Variants in GRAMD1B observed in about 807,000 individuals in gnomAD.
GRAMD1B encodes the protein GRAM domain containing 1B.
Under a neutral mutation model 99.7 loss-of-function variants are expected in GRAMD1B, and 37 were observed. The ratio of observed to expected loss-of-function variants is 0.37; its 90% CI spans 0.29 to 0.49. The LOEUF is 0.49. GRAMD1B is among the 20% of genes least tolerant of loss of function. GRAMD1B has a pLI of 0.98. For missense variants in GRAMD1B, 888 were observed against 1,009.2 expected (o/e 0.88, Z 1.63); for synonymous variants, 427 against 387.6 (o/e 1.10, Z -1.19).
At chr11:123,382,787 A>C (rs950347098) in intron 1 of GRAMD1B, among the ~76,000 whole-genome samples, 1 of 152,120 alleles carries the variant, frequency 6.6e-6, no homozygotes, top group Non-Finnish European at 1.5e-5. Context: ...GGATAAATGG[A>C]GCAAAGGATA....
intron 11 of GRAMD1B, among the ~76,000 whole-genome samples, chr11:123,607,084 G>A (rs1021654551): frequency 6.6e-6 from 1 of 152,170 alleles, no homozygotes. Context: ...AGACACGCAA[G>A]TCTAGGCAAT....
intron 1 of GRAMD1B, among the ~76,000 whole-genome samples, chr11:123,405,100 G>A (rs549017760): frequency 5.9e-5 from 9 of 151,838 alleles, no homozygotes; most frequent in East Asian, 1.9e-4. Context: ...AGAGAGAGAG[G>A]GAGAGAATTT....
intron 2 of GRAMD1B, among the ~76,000 whole-genome samples, chr11:123,552,420 G>A (rs1271990214): frequency 6.6e-6 from 1 of 151,704 alleles, no homozygotes; most frequent in Non-Finnish European, 1.5e-5. Flanking sequence ...GATTACAGGG[G>A]TGCATCACCA....
chr11:123,620,311 T>G (rs2137143040), intron 19 of GRAMD1B, among the ~76,000 whole-genome samples: 1 of 151,918 alleles, frequency 6.6e-6, no homozygotes, highest in Middle Eastern at 3.4e-3. Flanking sequence ...CTGTCTCTAC[T>G]CAAAATATAA....
chr11:123,506,528 T>C (rs891775639), intron 2 of GRAMD1B, among the ~76,000 whole-genome samples: 1 of 152,130 alleles, frequency 6.6e-6, no homozygotes, highest in Non-Finnish European at 1.5e-5. Context: ...TAAAGAGGCA[T>C]TTCTTTCTGT....
intron 1 of GRAMD1B, among the ~76,000 whole-genome samples, chr11:123,361,433 C>A (rs946099971): frequency 6.6e-6 from 1 of 152,196 alleles, no homozygotes; most frequent in African/African-American, 2.4e-5. Flanking sequence ...GCTTGCCCTG[C>A]AGAAGAGGTC....
chr11:123,516,117 A>G (rs905565115), intron 2 of GRAMD1B, among the ~76,000 whole-genome samples: 2 of 152,154 alleles, frequency 1.3e-5, no homozygotes, highest in Non-Finnish European at 2.9e-5. Context: ...ATTTTTCTCA[A>G]TTCATTACCA....
At chr11:123,565,565 A>C (rs1947271662) in intron 2 of GRAMD1B, among the ~76,000 whole-genome samples, 1 of 152,226 alleles carries the variant, frequency 6.6e-6, no homozygotes, top group African/African-American at 2.4e-5. Flanking sequence ...TTGGACAGAT[A>C]ATGATCGCTG....
At chr11:123,621,886 T>C (rs1019074206) in intron 19 of GRAMD1B, among the ~76,000 whole-genome samples, 16 of 61,962 alleles carry the variant, frequency 2.6e-4, no homozygotes, top group Non-Finnish European at 5.6e-4. Context: ...TTCTTTTTCT[T>C]TCTTTCTTTC....
At chr11:123,544,906 G>A (rs926912033) in intron 2 of GRAMD1B, among the ~76,000 whole-genome samples, 1 of 152,248 alleles carries the variant, frequency 6.6e-6, no homozygotes. Context: ...CAGATGCCAG[G>A]GGTTTGAAGA....
intron 11 of GRAMD1B, 64 bp downstream of exon 11, chr11:123,606,862 C>T: frequency 7.8e-7 from 1 of 1,281,054 alleles, no homozygotes; most frequent in South Asian, 1.3e-5. Flanking sequence ...AAGGAGATCT[C>T]TATGTGGGGA....
At chr11:123,480,365 C>T (rs145852989) in intron 1 of GRAMD1B, among the ~76,000 whole-genome samples, 6 of 152,146 alleles carry the variant, frequency 3.9e-5, no homozygotes, top group Admixed American at 3.9e-4. Context: ...TCTGTCTTAC[C>T]GGAATCTCCC....
At chr11:123,513,720 G>A (rs774940307) in intron 2 of GRAMD1B, among the ~76,000 whole-genome samples, 4 of 150,316 alleles carry the variant, frequency 2.7e-5, no homozygotes, top group Non-Finnish European at 4.4e-5. Context: ...GCAGTGGTGC[G>A]ATCATGGCTC....
chr11:123,483,458 C>T (rs1382424044), intron 2 of GRAMD1B, among the ~76,000 whole-genome samples: 1 of 148,246 alleles, frequency 6.7e-6, no homozygotes, highest in Non-Finnish European at 1.5e-5. Flanking sequence ...GTGATCTCAA[C>T]TCACTCCAAC....
chr11:123,385,235 A>G (rs1947014986), intron 1 of GRAMD1B, among the ~76,000 whole-genome samples: 1 of 152,136 alleles, frequency 6.6e-6, no homozygotes, highest in South Asian at 2.1e-4. Context: ...CAATGACCCC[A>G]TTCTGACCAT....
chr11:123,493,042 A>C (rs960019309), intron 2 of GRAMD1B, among the ~76,000 whole-genome samples: 1 of 152,220 alleles, frequency 6.6e-6, no homozygotes. Context: ...TGCCTTGCAC[A>C]CAGTAGGTTC....
chr11:123,601,975 T>G (rs1952041864), intron 8 of GRAMD1B, among the ~76,000 whole-genome samples: 1 of 152,034 alleles, frequency 6.6e-6, no homozygotes, highest in Non-Finnish European at 1.5e-5. Flanking sequence ...AAGCAAAGGG[T>G]GGAGCAGGGC....
At chr11:123,554,525 C>CAAAA (rs750680684) in intron 2 of GRAMD1B, among the ~76,000 whole-genome samples, 45 of 85,628 alleles carry the variant, frequency 5.3e-4, no homozygotes, top group Middle Eastern at 8.2e-3. Context: ...CCCATCTTTA[C>CAAAA]AAAAAAAAAA....
chr11:123,440,080 C>A (rs1202344954), intron 1 of GRAMD1B, among the ~76,000 whole-genome samples: 1 of 152,188 alleles, frequency 6.6e-6, no homozygotes, highest in African/African-American at 2.4e-5. Flanking sequence ...TACAGAAAGG[C>A]AATGGATGGT....
Sources: gnomAD v4.1 joint callset for allele counts (sites outside exome capture counted in the v4.1 genomes callset) on GRCh38, gnomAD v4.1.1 for gene constraint, MANE v1.5 for transcripts, NCBI Gene and HGNC (gene_info 2026-07-23, HGNC 2026-07-21) for gene names.